The following ABL1 variants were observed in gnomAD, a reference collection of about 807,000 sequenced individuals.
ABL1 encodes the protein tyrosine-protein kinase ABL1.
Under a neutral mutation model 94.7 loss-of-function variants are expected in ABL1, and 11 were observed. The observed-to-expected ratio is 0.12, with a 90% CI of 0.07 to 0.19. The LOEUF is 0.19. Among genes scored for constraint, ABL1 ranks in the 10% least tolerant of loss-of-function variants. ABL1 has a pLI of 1.00. For missense variants in ABL1, 1,082 were observed against 1,489.4 expected (o/e 0.73, Z 4.50); for synonymous variants, 656 against 622.4 (o/e 1.05, Z -0.80).
chr9:130,839,616 A>G (rs1331671251), intron 1 of ABL1, among the ~76,000 whole-genome samples: 3 of 152,134 alleles, frequency 2.0e-5, no homozygotes, highest in East Asian at 1.9e-4. Flanking sequence ...GTACTTTTCA[A>G]TTTGGAGGCA....
At chr9:130,819,892 T>C (rs970685614) in intron 1 of ABL1, among the ~76,000 whole-genome samples, 1 of 151,686 alleles carries the variant, frequency 6.6e-6, no homozygotes, top group Non-Finnish European at 1.5e-5. Flanking sequence ...TTTCTGCTTC[T>C]ACTTTGCTGT....
intron 1 of ABL1, among the ~76,000 whole-genome samples, chr9:130,852,153 TC>T (rs1223340658): frequency 6.6e-6 from 1 of 152,132 alleles, no homozygotes; most frequent in Non-Finnish European, 1.5e-5. Context: ...GAGAAACAGT[TC>T]CTAAAGGTTT....
intron 7 of ABL1, among the ~76,000 whole-genome samples, chr9:130,876,651 G>A (rs1831348672): frequency 6.6e-6 from 1 of 151,288 alleles, no homozygotes; most frequent in Non-Finnish European, 1.5e-5. Context: ...GAACTTCTGA[G>A]CTCAGGCAGT....
rs143837301 is a variant in ABL1, at chr9:130,884,406, G to A, written c.2116G>A (p.Gly706Ser). ...CCTAGCCACCGGCGAGGAGGAGGGC[G>A]GTGGCAGCTCCAGCAAGCGCTTCCT... The part of the protein sequence containing the change: ...SRLATGEEEG[G>S]GSSSKRFLRS... The change falls in exon 11 of 11, where the codon GGT becomes AGT. Residue 706 changes from glycine (G) to serine (S), a missense_variant. Gly to Ser is a moderately conservative substitution (Grantham distance 56, BLOSUM62 0). This residue lies in a region of ABL1 where 780 missense variants were observed against 835.8 expected (regional missense o/e 0.93). Coordinates refer to ENST00000318560, the MANE Select transcript of ABL1 (RefSeq NM_005157.6). The surrounding 1 kb of genome is among the most constrained non-coding windows in gnomAD (Gnocchi z 5.6). The A allele has an allele frequency of 2.3e-3, 3,756 of 1,612,018 alleles. 14 individuals are homozygous for A. The highest frequency in any genetic ancestry group is 5.0e-3 in the Middle Eastern group (30 of 6,056).
intron 1 of ABL1, among the ~76,000 whole-genome samples, chr9:130,771,450 C>T (rs1832250106): frequency 6.6e-6 from 1 of 152,120 alleles, no homozygotes; most frequent in Non-Finnish European, 1.5e-5. Context: ...TGCCAAAATA[C>T]AGGAACATTT....
Position 130,835,551 on chromosome 9 carries a change from C to G in ABL1, c.79+26C>G. ...GTAAGCCCGGGCCGCACGGGTTGGG[C>G]TGAGTAGCCGCGCGCCCTCCCGCTG... On this transcript the variant is annotated intron_variant, in intron 1 of 10. Transcript: ENST00000318560. This position sits in a 1 kb window ranked among gnomAD's most constrained non-coding sequence, Gnocchi z 4.6. 6.5e-7 allele frequency: 1 copy of G among 1,541,788 alleles called. No individual in the cohort carries two copies. The highest frequency in any genetic ancestry group is 2.4e-5 in the East Asian group (1 of 40,934).
chr9:130,747,615 G>A (rs1831904287), intron 1 of ABL1, among the ~76,000 whole-genome samples: 1 of 152,118 alleles, frequency 6.6e-6, no homozygotes, highest in Non-Finnish European at 1.5e-5. Context: ...GTTTCACCAT[G>A]TTAGCCAGGC....
At chr9:130,856,642 G>T (rs1029991011) in intron 3 of ABL1, among the ~76,000 whole-genome samples, 2 of 152,210 alleles carry the variant, frequency 1.3e-5, no homozygotes, top group Non-Finnish European at 2.9e-5. Flanking sequence ...GGCAAGCACT[G>T]GTACTAGTTC....
At chr9:130,789,529 CA>C (rs1413341342) in intron 1 of ABL1, among the ~76,000 whole-genome samples, 1 of 95,088 alleles carries the variant, frequency 1.1e-5, no homozygotes, top group African/African-American at 7.5e-5. Flanking sequence ...AGGACATACA[CA>C]CACACACACA....
chr9:130,788,761 AGTTT>A (rs1466862855), intron 1 of ABL1, among the ~76,000 whole-genome samples: 1 of 152,150 alleles, frequency 6.6e-6, no homozygotes, highest in African/African-American at 2.4e-5. Flanking sequence ...TTTCAGTTTC[AGTTT>A]GTTTGATGTT....
At chr9:130,719,093 A>G (rs1421156324) in intron 1 of ABL1, among the ~76,000 whole-genome samples, 5 of 152,118 alleles carry the variant, frequency 3.3e-5, no homozygotes, top group Admixed American at 6.5e-5. Flanking sequence ...GTATGGAAGG[A>G]TTTTACACCG....
In ABL1 at chr9:130,802,956, G is replaced by A. The variant is rs117795251; in HGVS notation, c.137-51108G>A. Among the ~76,000 whole-genome samples the A allele has an allele frequency of 6.5e-4, 99 of 152,236 alleles. 1 individual carries two copies. In the East Asian group the frequency reaches 0.017, roughly 26 times the overall value. ...CTGTCCCATGCATGAGTGGCTCAAG[G>A]GTCAGTCAGGGATGTGATTGTACGG... is the stretch of plus-strand genomic sequence containing the variant. On this transcript the variant is annotated intron_variant, in intron 1 of 10. Transcript: ENST00000372348.
intron 1 of ABL1, among the ~76,000 whole-genome samples, chr9:130,785,647 G>C (rs1205414687): frequency 6.6e-6 from 1 of 152,070 alleles, no homozygotes; most frequent in Non-Finnish European, 1.5e-5. Context: ...TCTCGGCCGG[G>C]CGTGGTGGCT....
chr9:130,777,473 C>T (rs1282698793), intron 1 of ABL1, among the ~76,000 whole-genome samples: 1 of 149,436 alleles, frequency 6.7e-6, no homozygotes, highest in Non-Finnish European at 1.5e-5. Context: ...CACTGACTCA[C>T]TGCATTAGTA....
At chr9:130,834,038 AC>A, upstream of ABL1, 1 of 456,104 alleles carries the variant, frequency 2.2e-6, no homozygotes, top group Non-Finnish European at 4.4e-6. Context: ...AGCCAGGCAG[AC>A]CTGGGTTGAG....
rs56263750 is a variant in ABL1 at position 130,750,192 on chromosome 9, CATATATATATATATATATATATATAT to C, written c.136+35756_136+35781del. Among the ~76,000 whole-genome samples the C allele has an allele frequency of 1.3e-3, 136 of 106,450 alleles. 4 individuals carry two copies. In the South Asian group the frequency reaches 0.027, roughly 21 times the overall value. 69.8% of individuals were successfully genotyped at this position (106,450 alleles called of 152,430 possible). On this transcript the variant is annotated intron_variant, in intron 1 of 10. Transcript: ENST00000372348. Reference sequence around the variant, plus strand: ...ACCCTGACTCAAGAAAAAAAAAATACATATATATATATATATATATATATATATATATATATATATATATCCAAGTA... The same window carrying C: ...ACCCTGACTCAAGAAAAAAAAAATACATATATATATATATATATCCAAGTA...
intron 1 of ABL1, among the ~76,000 whole-genome samples, chr9:130,821,178 C>G (rs1241432464): frequency 6.6e-6 from 1 of 152,170 alleles, no homozygotes; most frequent in Admixed American, 6.5e-5. Flanking sequence ...GATCCGCCAG[C>G]CTCAGCCTCC....
chr9:130,843,291 G>A (rs1204473965), intron 1 of ABL1, among the ~76,000 whole-genome samples: 1 of 152,188 alleles, frequency 6.6e-6, no homozygotes, highest in Non-Finnish European at 1.5e-5. Context: ...AAGAGAAGGC[G>A]TGGCATAAGA....
At chr9:130,764,525 C>T (rs1191317665) in intron 1 of ABL1, among the ~76,000 whole-genome samples, 6 of 152,152 alleles carry the variant, frequency 3.9e-5, no homozygotes, top group African/African-American at 9.7e-5. Flanking sequence ...TATATGCATT[C>T]GATAAACCTG....
Sources: allele counts gnomAD v4.1 joint callset (sites outside exome capture counted in the v4.1 genomes callset), GRCh38; gene constraint gnomAD v4.1.1; regional missense constraint gnomAD v4.1.1; non-coding constraint Gnocchi (gnomAD v3.1); transcripts MANE v1.5; gene names NCBI Gene and HGNC (gene_info 2026-07-23, HGNC 2026-07-21).